The following RCAN2 variants were observed in gnomAD, a reference collection of about 807,000 sequenced individuals.
RCAN2 encodes calcipressin-2.
Under a neutral mutation model 23.6 loss-of-function variants are expected in RCAN2, and 9 were observed. The ratio of observed to expected loss-of-function variants is 0.38; its 90% CI spans 0.23 to 0.67. The LOEUF is 0.67. Ranked by LOEUF, RCAN2 falls within the 30% of genes least tolerant of loss-of-function variation. RCAN2 has a pLI of 0.51. For missense variants in RCAN2, 273 were observed against 302.3 expected, an observed-to-expected ratio of 0.90 and a Z score of 0.72; for synonymous variants, 109 against 115.7, an observed-to-expected ratio of 0.94 and a Z score of 0.37.
chr6:46,390,230 TG>T (rs1561886026), intron 2 of RCAN2, among the ~76,000 whole-genome samples: 1 of 152,302 alleles, frequency 6.6e-6, no homozygotes, highest in East Asian at 1.9e-4. Context: ...GGACTTGGGC[TG>T]GGGGAAGAAG....
At chr6:46,484,136 C>T (rs778957759) in intron 1 of RCAN2, among the ~76,000 whole-genome samples, 40 of 152,200 alleles carry the variant, frequency 2.6e-4, no homozygotes, top group Non-Finnish European at 4.6e-4. Flanking sequence ...TCTAGCCTGA[C>T]TTTCAGACAA....
At chr6:46,239,171 A>T (rs1485359554) in intron 4 of RCAN2, among the ~76,000 whole-genome samples, 2 of 152,172 alleles carry the variant, frequency 1.3e-5, no homozygotes, top group Admixed American at 1.3e-4. Context: ...ACAGCTATAA[A>T]ATAAAAGGAG....
At chr6:46,472,213 TG>T (rs544026808) in intron 1 of RCAN2, among the ~76,000 whole-genome samples, 16 of 152,232 alleles carry the variant, frequency 1.1e-4, no homozygotes, top group Non-Finnish European at 1.9e-4. Context: ...TGGGCCAGCT[TG>T]GGGATCTGGT....
chr6:46,268,173 C>A (rs1248981141), intron 2 of RCAN2, among the ~76,000 whole-genome samples: 1 of 152,166 alleles, frequency 6.6e-6, no homozygotes, highest in Admixed American at 6.5e-5. Context: ...TCATTAACGG[C>A]ACAAATTTTT....
rs1289800145 is a variant in RCAN2, at chr6:46,263,453, GTGTGTGTGTGTGTGTGTGTGTA to G, written c.226-14579_226-14558del. ...TTTCAGAGTAATGTGTCATCAGAGA[GTGTGTGTGTGTGTGTGTGTGTA>G]TGTGTGTGTGTGTGTGTGTATGTGT... On this transcript the variant is annotated intron_variant, in intron 2 of 4. Coordinates refer to ENST00000371374, the MANE Select transcript of RCAN2 (RefSeq NM_001251974.2). Among the ~76,000 whole-genome samples the G allele has an allele frequency of 1.7e-4, 8 of 46,924 alleles. No individual in the cohort carries two copies. In the South Asian group the frequency reaches 4.1e-3, roughly 24 times the overall value. The allele number at this position is 46,924 out of a possible 152,430, so 30.8% of individuals were successfully genotyped here.
chr6:46,318,182 A>G (rs1332265003), intron 2 of RCAN2, among the ~76,000 whole-genome samples: 1 of 152,228 alleles, frequency 6.6e-6, no homozygotes, highest in African/African-American at 2.4e-5. Flanking sequence ...CAGCATGAAC[A>G]CTGCTCACAT....
At chr6:46,306,167 G>A (rs985838427) in intron 2 of RCAN2, among the ~76,000 whole-genome samples, 13 of 152,230 alleles carry the variant, frequency 8.5e-5, no homozygotes, top group Admixed American at 3.9e-4. Flanking sequence ...TGGCATCTAA[G>A]GGGGCTGTAT....
At chr6:46,318,453 A>C (rs1276965495) in intron 2 of RCAN2, among the ~76,000 whole-genome samples, 1 of 152,228 alleles carries the variant, frequency 6.6e-6, no homozygotes, top group Non-Finnish European at 1.5e-5. Flanking sequence ...CTGTTGTAGT[A>C]CTAGACTGTA....
chr6:46,395,108 C>T (rs765002332), intron 2 of RCAN2, among the ~76,000 whole-genome samples: 33 of 152,078 alleles, frequency 2.2e-4, no homozygotes, highest in African/African-American at 7.0e-4. Context: ...ACTTCTGACA[C>T]GTCAAGTTTG....
At chr6:46,225,027 G>A (rs1765612644) in intron 4 of RCAN2, among the ~76,000 whole-genome samples, 1 of 149,944 alleles carries the variant, frequency 6.7e-6, no homozygotes, top group African/African-American at 2.5e-5. Context: ...GTGAGAATAT[G>A]TGGTGTTTGG....
chr6:46,324,735 C>T (rs1384483582), intron 2 of RCAN2, among the ~76,000 whole-genome samples: 3 of 152,188 alleles, frequency 2.0e-5, no homozygotes, highest in African/African-American at 4.8e-5. Context: ...CAACTGCTGC[C>T]GGCAATCAGT....
intron 2 of RCAN2, among the ~76,000 whole-genome samples, chr6:46,299,293 T>C (rs1268396076): frequency 6.6e-6 from 1 of 152,002 alleles, no homozygotes; most frequent in African/African-American, 2.4e-5. Flanking sequence ...CAGAGTCACA[T>C]CATCAATGCA....
At chr6:46,410,542 C>T (rs1766519387) in intron 2 of RCAN2, among the ~76,000 whole-genome samples, 1 of 152,062 alleles carries the variant, frequency 6.6e-6, no homozygotes, top group Non-Finnish European at 1.5e-5. Flanking sequence ...CTTCTGGCCA[C>T]AAGGCAAAAA....
intron 2 of RCAN2, among the ~76,000 whole-genome samples, chr6:46,334,694 C>A (rs891910236): frequency 6.6e-6 from 1 of 152,142 alleles, no homozygotes; most frequent in Non-Finnish European, 1.5e-5. Flanking sequence ...TGCCCTCAGG[C>A]AGACTCAGGG....
At chr6:46,332,883 C>T (rs1764026132) in intron 2 of RCAN2, among the ~76,000 whole-genome samples, 1 of 152,218 alleles carries the variant, frequency 6.6e-6, no homozygotes, top group Non-Finnish European at 1.5e-5. Flanking sequence ...GGAATTGCCA[C>T]ACTGACTTCC....
At chr6:46,357,239 A>G (rs1764859808) in intron 2 of RCAN2, among the ~76,000 whole-genome samples, 1 of 152,222 alleles carries the variant, frequency 6.6e-6, no homozygotes, top group Non-Finnish European at 1.5e-5. Context: ...AGGGCAACTA[A>G]ATGAAATTCA....
chr6:46,268,752 C>A (rs1202373187), intron 2 of RCAN2, among the ~76,000 whole-genome samples: 1 of 152,124 alleles, frequency 6.6e-6, no homozygotes, highest in Admixed American at 6.5e-5. Flanking sequence ...GAGATCCTGG[C>A]CTTGTTTTGT....
At chr6:46,308,498 TAG>T (rs1763138862) in intron 2 of RCAN2, among the ~76,000 whole-genome samples, 1 of 152,066 alleles carries the variant, frequency 6.6e-6, no homozygotes, top group Non-Finnish European at 1.5e-5. Flanking sequence ...GAGCACAGTC[TAG>T]GGTGGAATGA....
intron 2 of RCAN2, among the ~76,000 whole-genome samples, chr6:46,280,304 A>AT (rs903811898): frequency 1.1e-4 from 17 of 152,220 alleles, no homozygotes; most frequent in African/African-American, 3.1e-4. Context: ...TCCTGAAAAT[A>AT]TTTTTTTTAA....
Sources: allele counts gnomAD v4.1 joint callset (sites outside exome capture counted in the v4.1 genomes callset), GRCh38; gene constraint gnomAD v4.1.1; transcripts MANE v1.5; gene names NCBI Gene and HGNC (gene_info 2026-07-23, HGNC 2026-07-21).